ADGRD1: variants seen among roughly 807,000 people sequenced by gnomAD.
The protein encoded by ADGRD1 is adhesion G protein-coupled receptor D1, also known as G-protein coupled receptor 133.
ADGRD1 carries 77 observed loss-of-function variants against 113.4 expected under a neutral mutation model. That is an observed-to-expected ratio of 0.68 (90% CI 0.57 to 0.82). ADGRD1 has a LOEUF of 0.82. Ranked by LOEUF, ADGRD1 falls within the 40% of genes least tolerant of loss-of-function variation. The probability of loss-of-function intolerance (pLI) is 0.00; values close to 1 mark genes in which losing one functional copy is unlikely to be tolerated. For missense variants in ADGRD1, 1,036 were observed against 1,139.1 expected, an observed-to-expected ratio of 0.91 and a Z score of 1.30; for synonymous variants, 474 against 475.0, an observed-to-expected ratio of 1.00 and a Z score of 0.03.
chr12:130,985,100 AG>A (rs1268856928), intron 5 of ADGRD1, among the ~76,000 whole-genome samples: 3 of 63,658 alleles, frequency 4.7e-5, no homozygotes, highest in Non-Finnish European at 1.1e-4. Flanking sequence ...ATGTCTCACT[AG>A]TTTTTTTTTT....
intron 13 of ADGRD1, among the ~76,000 whole-genome samples, chr12:131,066,386 C>A (rs1322043072): frequency 6.6e-6 from 1 of 152,138 alleles, no homozygotes; most frequent in African/African-American, 2.4e-5. Flanking sequence ...GCTCGGGTGG[C>A]CTGTCAGCAC....
At position 130,954,441 on chromosome 12, in the gene ADGRD1, C is replaced by T. The variant is rs749566705; in HGVS notation, c.-25C>T. ...AGACCCTCAGGAATTTCACTTGGCT[C>T]CGAGCTTTGACCTCCGAGAGAGCCA... On this transcript the variant is annotated 5_prime_UTR_variant, in exon 1 of 25. Transcript: ENST00000261654. The surrounding 1 kb of genome is among the most constrained non-coding windows in gnomAD (Gnocchi z 4.7). 6.5e-7 allele frequency: 1 copy of T among 1,528,448 alleles called. No homozygotes were observed. Among genetic ancestry groups the T allele is most frequent in the Non-Finnish European group, 8.8e-7 (1 of 1,139,780 alleles). The allele number at this position is 1,528,448 out of a possible 1,614,324, so 94.7% of individuals were successfully genotyped here. A position where few individuals can be genotyped will look rare whatever the true frequency, so the allele number is the denominator to read the frequency against.
intron 15 of ADGRD1, among the ~76,000 whole-genome samples, chr12:131,100,659 G>C (rs1950048249): frequency 6.6e-6 from 1 of 152,162 alleles, no homozygotes; most frequent in African/African-American, 2.4e-5. Context: ...TGGTTGGAAG[G>C]CTTAAGGCAT....
At chr12:131,087,966 C>T (rs1386145198) in intron 15 of ADGRD1, among the ~76,000 whole-genome samples, 1 of 152,234 alleles carries the variant, frequency 6.6e-6, no homozygotes, top group Admixed American at 6.5e-5. Context: ...CCGTCCTCTG[C>T]GGACGGCCGT....
chr12:131,087,767 C>T (rs1037184191), intron 15 of ADGRD1, among the ~76,000 whole-genome samples: 11 of 152,212 alleles, frequency 7.2e-5, no homozygotes, highest in Non-Finnish European at 1.0e-4. Flanking sequence ...TTCTCCTGGC[C>T]TGCAGACCCC....
At chr12:131,085,014 G>A (rs553254074) in intron 15 of ADGRD1, among the ~76,000 whole-genome samples, 28 of 152,236 alleles carry the variant, frequency 1.8e-4, no homozygotes, top group Non-Finnish European at 3.4e-4. Context: ...GGAGCCGGGC[G>A]CTGGGGGCTC....
At chr12:131,128,373 A>G (rs964738814) in intron 20 of ADGRD1, among the ~76,000 whole-genome samples, 1 of 152,252 alleles carries the variant, frequency 6.6e-6, no homozygotes, top group East Asian at 1.9e-4. Context: ...CATCCCTCTC[A>G]TGGGTCCCAG....
intron 23 of ADGRD1, chr12:131,137,538 A>G (rs530440402): frequency 1.1e-3 from 216 of 201,702 alleles, no homozygotes; most frequent in African/African-American, 4.7e-3. Flanking sequence ...TTGAGCCCCT[A>G]CCAGGCTGAG....
At chr12:131,098,154 C>T (rs1949976670) in intron 15 of ADGRD1, among the ~76,000 whole-genome samples, 1 of 93,904 alleles carries the variant, frequency 1.1e-5, no homozygotes, top group Non-Finnish European at 2.2e-5. Context: ...CTGTCTGGGC[C>T]TCACTTCCTT....
chr12:130,982,772 C>A (rs969120298), intron 5 of ADGRD1, among the ~76,000 whole-genome samples: 1 of 152,008 alleles, frequency 6.6e-6, no homozygotes, highest in African/African-American at 2.4e-5. Context: ...GAGACATGGA[C>A]GTGGGGCAGT....
intron 20 of ADGRD1, among the ~76,000 whole-genome samples, chr12:131,125,996 C>T (rs1007285184): frequency 3.9e-5 from 6 of 152,164 alleles, no homozygotes; most frequent in African/African-American, 7.2e-5. Flanking sequence ...AATTATTACT[C>T]GAACCTTCCT....
intron 6 of ADGRD1, chr12:130,988,352 A>T (rs1466549129): frequency 6.6e-6 from 1 of 152,208 alleles, no homozygotes; most frequent in African/African-American, 2.4e-5. Context: ...ATAATCTGCT[A>T]AAAAATGACA....
chr12:131,004,396 C>CGGTGCTCCCCCGGGCCGCCTGT (rs1876828870), intron 11 of ADGRD1, 100 bp downstream of exon 11: 6 of 905,794 alleles, frequency 6.6e-6, no homozygotes, highest in South Asian at 1.4e-5. Context: ...CAGGGAGCTG[C>CGGTGCTCCCCCGGGCCGCCTGT]GGTGCTCCCC....
At chr12:131,045,103 C>T (rs1882546135) in intron 13 of ADGRD1, among the ~76,000 whole-genome samples, 1 of 152,252 alleles carries the variant, frequency 6.6e-6, no homozygotes, top group Non-Finnish European at 1.5e-5. Flanking sequence ...GGCTGCTGTC[C>T]AGGGGGCCTC....
intron 2 of ADGRD1, among the ~76,000 whole-genome samples, chr12:130,955,211 C>T (rs1593246721): frequency 6.7e-6 from 1 of 149,250 alleles, no homozygotes; most frequent in Non-Finnish European, 1.5e-5. Context: ...GTGATCCGCC[C>T]GCCTTGGCCT....
chr12:131,005,403 G>A (rs776283826), intron 11 of ADGRD1, among the ~76,000 whole-genome samples: 3 of 152,198 alleles, frequency 2.0e-5, no homozygotes, highest in Non-Finnish European at 4.4e-5. Context: ...GAGTGAAATA[G>A]CAAAAGCACA....
intron 12 of ADGRD1, among the ~76,000 whole-genome samples, chr12:131,011,124 CCCCTTCCCCA>C (rs1877819493): frequency 1.5e-5 from 2 of 130,068 alleles, no homozygotes; most frequent in Non-Finnish European, 3.3e-5. Context: ...CCCCACCTCA[CCCCTTCCCCA>C]CCCTGCCCCA....
chr12:131,043,095 A>T (rs999432937), intron 13 of ADGRD1, among the ~76,000 whole-genome samples: 7 of 152,202 alleles, frequency 4.6e-5, no homozygotes, highest in African/African-American at 1.4e-4. Context: ...AAGTACATCA[A>T]CCCAAAGCTG....
intron 13 of ADGRD1, among the ~76,000 whole-genome samples, chr12:131,015,390 A>G (rs1264552162): frequency 6.6e-6 from 1 of 151,342 alleles, no homozygotes; most frequent in Admixed American, 6.6e-5. Context: ...GGAGATTGAG[A>G]TGGACATGGG....
Sources: allele counts gnomAD v4.1 joint callset (sites outside exome capture counted in the v4.1 genomes callset), GRCh38; gene constraint gnomAD v4.1.1; non-coding constraint Gnocchi (gnomAD v3.1); transcripts MANE v1.5; gene names NCBI Gene and HGNC (gene_info 2026-07-23, HGNC 2026-07-21).